Variants in TENM2 observed in about 807,000 individuals in gnomAD.
TENM2 encodes teneurin transmembrane protein 2.
TENM2 carries 52 observed loss-of-function variants against 245.2 expected under a neutral mutation model. The observed-to-expected ratio is 0.21, with a 90% CI of 0.17 to 0.27. TENM2 has a LOEUF of 0.27. Among genes scored for constraint, TENM2 ranks in the 10% least tolerant of loss-of-function variants. The pLI is 1.00. For missense variants in TENM2, 3,046 were observed against 3,666.8 expected (o/e 0.83, Z 4.37); for synonymous variants, 1,363 against 1,438.9 (o/e 0.95, Z 1.19).
intron 6 of TENM2, among the ~76,000 whole-genome samples, chr5:168,059,071 G>A (rs1046094414): frequency 6.6e-6 from 1 of 152,168 alleles, no homozygotes; most frequent in Non-Finnish European, 1.5e-5. Flanking sequence ...AATGGGATGA[G>A]GAAGCGAGGA....
chr5:168,248,373 T>G lies in TENM2; in HGVS notation c.7432+2T>G. Reference sequence around the variant, plus strand: ...TAGATTTGAAGAACTACGTGACAGGTGAGGATTCTGCCACCAAAGGTGGGC... The same window carrying G: ...TAGATTTGAAGAACTACGTGACAGGGGAGGATTCTGCCACCAAAGGTGGGC... On this transcript the variant is annotated splice_donor_variant, in intron 27 of 28. Coordinates refer to ENST00000518659, the Ensembl canonical transcript of TENM2. LOFTEE classifies it high-confidence loss of function. The G allele has an allele frequency of 1.2e-6, 2 of 1,608,990 alleles. 1 individual carries two copies. The highest frequency in any genetic ancestry group is 2.2e-5 in the South Asian group (2 of 90,750).
chr5:167,293,368 A>ATTTTTTTTTTTT (rs199972172), intron 1 of TENM2, among the ~76,000 whole-genome samples: 34 of 130,530 alleles, frequency 2.6e-4, no homozygotes, highest in African/African-American at 6.4e-4. Flanking sequence ...TGTCCGGCTA[A>ATTTTTTTTTTTT]TTTTTTTTTT....
At chr5:168,168,021 A>T (rs10072561) in intron 13 of TENM2, among the ~76,000 whole-genome samples, 1 of 151,884 alleles carries the variant, frequency 6.6e-6, no homozygotes, top group Non-Finnish European at 1.5e-5. Context: ...TAATTTTTCC[A>T]GTGTACACAA....
chr5:167,578,752 A>T (rs1383130311), intron 2 of TENM2, among the ~76,000 whole-genome samples: 1 of 152,208 alleles, frequency 6.6e-6, no homozygotes, highest in Admixed American at 6.5e-5. Context: ...GTTACTTTCT[A>T]TAAACCTTGA....
intron 2 of TENM2, among the ~76,000 whole-genome samples, chr5:167,420,661 C>A (rs1182864240): frequency 6.6e-6 from 1 of 152,114 alleles, no homozygotes; most frequent in Non-Finnish European, 1.5e-5. Context: ...ATAAGGCCCA[C>A]CCTGACCATT....
rs191945741 is a variant in TENM2 at position 167,430,954 on chromosome 5, C to G, written c.502+55481C>G. ...TTCCAATGTTTCTATGCAAGCCAAT[C>G]ACTTTATGGAGCCTGAAAAATTCAA... is the stretch of plus-strand genomic sequence containing the variant. On this transcript the variant is annotated intron_variant, in intron 2 of 28. Coordinates refer to ENST00000518659, the Ensembl canonical transcript of TENM2. Among the ~76,000 whole-genome samples the G allele has an allele frequency of 5.3e-5, 8 of 152,254 alleles. No individual in the cohort carries two copies. The South Asian group carries it at 1.7e-3, about 32-fold the overall frequency.
At chr5:167,406,356 A>G (rs1333130663) in intron 2 of TENM2, among the ~76,000 whole-genome samples, 1 of 152,190 alleles carries the variant, frequency 6.6e-6, no homozygotes, top group Non-Finnish European at 1.5e-5. Flanking sequence ...ATATTCATAG[A>G]ATTAAGTATT....
At chr5:167,159,934 C>T in the TENM2 span, among the ~76,000 whole-genome samples, 47 of 152,264 alleles carry the variant, frequency 3.1e-4, no homozygotes, top group African/African-American at 1.1e-3. Flanking sequence ...CAAACAGTCC[C>T]AAGAGGTTAC....
chr5:167,599,874 C>A (rs1326156854), intron 2 of TENM2, among the ~76,000 whole-genome samples: 1 of 151,820 alleles, frequency 6.6e-6, no homozygotes, highest in African/African-American at 2.4e-5. Context: ...TGGCTGGGCG[C>A]GGTGGCTCAC....
At chr5:167,240,634 C>A in the TENM2 span, among the ~76,000 whole-genome samples, 1 of 120,692 alleles carries the variant, frequency 8.3e-6, no homozygotes, top group Non-Finnish European at 1.8e-5. Flanking sequence ...CCTTTTCCAA[C>A]GTCTTTTCAC....
At chr5:167,257,692 C>T in the TENM2 span, among the ~76,000 whole-genome samples, 2 of 151,856 alleles carry the variant, frequency 1.3e-5, no homozygotes, top group Admixed American at 6.6e-5. Flanking sequence ...AAAAATGGTT[C>T]ACAATCAGTA....
chr5:167,790,665 A>G (rs1298548419), intron 2 of TENM2, among the ~76,000 whole-genome samples: 1 of 152,144 alleles, frequency 6.6e-6, no homozygotes, highest in East Asian at 1.9e-4. Flanking sequence ...TGTGGGAACC[A>G]ATATTATTAG....
the TENM2 span, among the ~76,000 whole-genome samples, chr5:167,212,077 C>T: frequency 2.6e-5 from 4 of 152,262 alleles, no homozygotes; most frequent in Non-Finnish European, 5.9e-5. Context: ...ATTGGAACCC[C>T]AAGTTCTGTC....
chr5:167,980,508 G>A (rs1782755439), intron 4 of TENM2, among the ~76,000 whole-genome samples: 1 of 152,142 alleles, frequency 6.6e-6, no homozygotes, highest in East Asian at 1.9e-4. Flanking sequence ...GCCTCTTTAA[G>A]GAACAGCAAA....
At chr5:167,319,078 A>G (rs538410508) in intron 1 of TENM2, among the ~76,000 whole-genome samples, 1 of 152,192 alleles carries the variant, frequency 6.6e-6, no homozygotes, top group Non-Finnish European at 1.5e-5. Flanking sequence ...CAGTTGGCCA[A>G]TTTAAAATGA....
At chr5:167,398,091 A>G (rs996943725) in intron 2 of TENM2, among the ~76,000 whole-genome samples, 3 of 152,108 alleles carry the variant, frequency 2.0e-5, no homozygotes, top group Admixed American at 6.6e-5. Flanking sequence ...GCGACTAACT[A>G]GCTATATGGC....
At chr5:167,109,658 A>T in the TENM2 span, among the ~76,000 whole-genome samples, 1 of 152,124 alleles carries the variant, frequency 6.6e-6, no homozygotes, top group Non-Finnish European at 1.5e-5. Context: ...AAGTGAATGG[A>T]ACATCCATTC....
At chr5:167,677,285 G>C (rs1212517274) in intron 2 of TENM2, among the ~76,000 whole-genome samples, 5 of 151,900 alleles carry the variant, frequency 3.3e-5, no homozygotes, top group Non-Finnish European at 5.9e-5. Flanking sequence ...CATTTGCTTT[G>C]AATATGTTAT....
chr5:167,101,849 TTATATATATATATATATA>T, the TENM2 span, among the ~76,000 whole-genome samples: 7 of 69,456 alleles, frequency 1.0e-4, no homozygotes, highest in Admixed American at 8.5e-4. Context: ...ATATATATAT[TTATATATATATATATATA>T]TATATATATG....
Sources: allele counts gnomAD v4.1 joint callset (sites outside exome capture counted in the v4.1 genomes callset), GRCh38; gene constraint gnomAD v4.1.1; transcripts MANE v1.5; gene names NCBI Gene and HGNC (gene_info 2026-07-23, HGNC 2026-07-21).